Variants in GRIK1 observed in about 807,000 individuals in gnomAD.
GRIK1 encodes glutamate ionotropic receptor kainate type subunit 1.
A neutral mutation model predicts 105.7 loss-of-function variants in GRIK1; 69 were observed. That is an observed-to-expected ratio of 0.65 (90% CI 0.54 to 0.80). The LOEUF (loss-of-function observed/expected upper bound fraction) is 0.80. Among genes scored for constraint, GRIK1 ranks in the 30% least tolerant of loss-of-function variants. The pLI, the probability that GRIK1 is intolerant of heterozygous loss-of-function variation, is 0.00. For missense variants in GRIK1, 1,109 were observed against 1,167.3 expected (o/e 0.95, Z 0.73); for synonymous variants, 438 against 431.3 (o/e 1.02, Z -0.19).
intron 1 of GRIK1, among the ~76,000 whole-genome samples, chr21:29,747,842 A>T (rs996006195): frequency 2.0e-5 from 3 of 152,216 alleles, no homozygotes; most frequent in Non-Finnish European, 4.4e-5. Flanking sequence ...AAAAAAGAAT[A>T]GAAAGCATGA....
At chr21:29,580,635 C>T (rs1327173498) in intron 13 of GRIK1, among the ~76,000 whole-genome samples, 1 of 152,056 alleles carries the variant, frequency 6.6e-6, no homozygotes, top group Non-Finnish European at 1.5e-5. Context: ...ATGTATTTTG[C>T]AGCTTATTGT....
chr21:29,649,213 T>G (rs943474002), intron 6 of GRIK1, among the ~76,000 whole-genome samples: 2 of 152,188 alleles, frequency 1.3e-5, no homozygotes, highest in Non-Finnish European at 1.5e-5. Flanking sequence ...TCACATAATT[T>G]CAAAGTTATT....
At chr21:29,637,911 A>G (rs2062429352) in intron 7 of GRIK1, among the ~76,000 whole-genome samples, 1 of 152,164 alleles carries the variant, frequency 6.6e-6, no homozygotes, top group Admixed American at 6.5e-5. Context: ...GGCCTACTGC[A>G]TGCTGCATGC....
rs976052701 is a variant in GRIK1 at position 29,842,759 on chromosome 21, G to T, written c.118+96624C>A. ...TTTTATCAAAAACTTTAGCTTTACA[G>T]TTTGCTACCTGGAGGAAATCTTAAT... On this transcript the variant is annotated intron_variant, in intron 1 of 17. Coordinates refer to ENST00000327783, the MANE Select transcript of GRIK1 (RefSeq NM_001330994.2). Among the ~76,000 whole-genome samples the T allele has an allele frequency of 4.6e-5, 7 of 152,230 alleles. No individual in the cohort carries two copies. In the East Asian group the frequency reaches 1.4e-3, roughly 29 times the overall value.
chr21:29,840,331 G>A (rs562993284), intron 1 of GRIK1, among the ~76,000 whole-genome samples: 1 of 152,266 alleles, frequency 6.6e-6, no homozygotes, highest in Non-Finnish European at 1.5e-5. Context: ...CTTTTGTCTT[G>A]CAGATTATTC....
chr21:29,786,259 A>C (rs2066259392), intron 1 of GRIK1, among the ~76,000 whole-genome samples: 1 of 152,176 alleles, frequency 6.6e-6, no homozygotes, highest in Admixed American at 6.5e-5. Flanking sequence ...AGTGTTGGGA[A>C]TACCCGCGTG....
intron 1 of GRIK1, among the ~76,000 whole-genome samples, chr21:29,788,004 C>T (rs965532852): frequency 1.3e-5 from 2 of 152,184 alleles, no homozygotes; most frequent in South Asian, 4.1e-4. Flanking sequence ...AATATAATTA[C>T]TTCTATTCAT....
intron 1 of GRIK1, among the ~76,000 whole-genome samples, chr21:29,936,034 T>C (rs2071736980): frequency 6.6e-6 from 1 of 152,234 alleles, no homozygotes; most frequent in Non-Finnish European, 1.5e-5. Context: ...CTGTGAGGTT[T>C]GCAATAGTTT....
chr21:29,744,928 T>C (rs1162304372), intron 1 of GRIK1, among the ~76,000 whole-genome samples: 2 of 152,214 alleles, frequency 1.3e-5, no homozygotes, highest in African/African-American at 2.4e-5. Flanking sequence ...AGTCACTTGT[T>C]GTGACGGGCA....
chr21:29,810,203 A>T (rs1179817367), intron 1 of GRIK1, among the ~76,000 whole-genome samples: 1 of 152,030 alleles, frequency 6.6e-6, no homozygotes. Flanking sequence ...AGGCTGAGGC[A>T]GGAGAATCGC....
chr21:29,647,156 A>G (rs1477166451), intron 6 of GRIK1, among the ~76,000 whole-genome samples: 2 of 152,110 alleles, frequency 1.3e-5, no homozygotes, highest in East Asian at 1.9e-4. Flanking sequence ...TTGTTCTTTT[A>G]TTGACTACAA....
At chr21:29,590,735 G>T (rs1411031588) in intron 10 of GRIK1, among the ~76,000 whole-genome samples, 1 of 152,192 alleles carries the variant, frequency 6.6e-6, no homozygotes, top group Non-Finnish European at 1.5e-5. Flanking sequence ...ACTAGTAGCA[G>T]TTGGGAGGGA....
At chr21:29,876,692 G>T (rs2069203961) in intron 1 of GRIK1, among the ~76,000 whole-genome samples, 1 of 152,116 alleles carries the variant, frequency 6.6e-6, no homozygotes, top group South Asian at 2.1e-4. Flanking sequence ...GTTCTTTGGA[G>T]TTCATTTTGG....
In GRIK1 at chr21:29,656,134, G is replaced by A. The variant is rs147223623; in HGVS notation, c.727-1271C>T. On this transcript the variant is annotated intron_variant, in intron 4 of 17. Transcript: ENST00000327783. ...ATCCAGCACTTTGGGAGGATGAGGC[G>A]GGCGGATCATGAGGTCAGGAGATAG... Among the ~76,000 whole-genome samples the A allele has an allele frequency of 3.5e-3, 525 of 151,482 alleles. 3 individuals are homozygous for A. Among genetic ancestry groups the A allele is most frequent in the African/African-American group, 0.012 (504 of 41,310 alleles).
rs181317389 is a variant in GRIK1 at position 29,734,647 on chromosome 21, C to G, written c.119-40584G>C. Among the ~76,000 whole-genome samples, 75 of 152,168 alleles carry G rather than the reference C, an allele frequency of 4.9e-4. 1 individual carries two copies. The highest frequency in any genetic ancestry group is 1.7e-3 in the African/African-American group (72 of 41,530). ...CTCTTGGGCTCAAGAGATCCACCCC[C>G]CTGGGCCTCCCAAATTTCTTGGATT... On this transcript the variant is annotated intron_variant, in intron 1 of 17. Coordinates refer to ENST00000327783, the MANE Select transcript of GRIK1 (RefSeq NM_001330994.2).
At chr21:29,901,204 C>A (rs2070393149) in intron 1 of GRIK1, among the ~76,000 whole-genome samples, 2 of 152,038 alleles carry the variant, frequency 1.3e-5, no homozygotes, top group Non-Finnish European at 2.9e-5. Context: ...CAGGAGAGAT[C>A]TAAAATTGAC....
chr21:29,775,659 C>T (rs924386262), intron 1 of GRIK1, among the ~76,000 whole-genome samples: 8 of 152,208 alleles, frequency 5.3e-5, no homozygotes, highest in African/African-American at 1.7e-4. Context: ...CCCTTTCCAA[C>T]TGTGTGCTAT....
chr21:29,572,774 TC>T (rs538045555), intron 14 of GRIK1, among the ~76,000 whole-genome samples: 2,974 of 142,200 alleles, frequency 0.021, 46 homozygotes, highest in Non-Finnish European at 0.028. Flanking sequence ...CTTTTTTTTT[TC>T]TTCTTCTTTT....
intron 1 of GRIK1, among the ~76,000 whole-genome samples, chr21:29,830,139 A>T (rs1028856830): frequency 4.6e-5 from 7 of 152,056 alleles, no homozygotes; most frequent in Non-Finnish European, 1.0e-4. Context: ...TACACATAGG[A>T]TCTTTCCAAC....
Sources: gnomAD v4.1 joint callset for allele counts (sites outside exome capture counted in the v4.1 genomes callset) on GRCh38, gnomAD v4.1.1 for gene constraint, MANE v1.5 for transcripts, NCBI Gene and HGNC (gene_info 2026-07-23, HGNC 2026-07-21) for gene names.